Variants in EPB41L5 observed in about 807,000 individuals in gnomAD.
EPB41L5 encodes the protein erythrocyte membrane protein band 4.1 like 5.
Under a neutral mutation model 106.6 loss-of-function variants are expected in EPB41L5, and 55 were observed. The ratio of observed to expected loss-of-function variants is 0.52; its 90% CI spans 0.42 to 0.65. The LOEUF (loss-of-function observed/expected upper bound fraction) is 0.65. Among genes scored for constraint, EPB41L5 ranks in the 30% least tolerant of loss-of-function variants. The pLI, the probability that EPB41L5 is intolerant of heterozygous loss-of-function variation, is 0.00. For synonymous variants in EPB41L5, 297 were observed against 306.7 expected, an observed-to-expected ratio of 0.97 and a Z score of 0.33; for missense variants, 871 against 882.1, an observed-to-expected ratio of 0.99 and a Z score of 0.16.
chr2:120,173,831 A>G (rs1300696129), intron 24 of EPB41L5, among the ~76,000 whole-genome samples: 1 of 151,900 alleles, frequency 6.6e-6, no homozygotes, highest in African/African-American at 2.4e-5. Flanking sequence ...ACAGGCATAT[A>G]CCACCCTCAC....
At chr2:120,049,698 C>T (rs1574531763) in intron 3 of EPB41L5, among the ~76,000 whole-genome samples, 2 of 152,242 alleles carry the variant, frequency 1.3e-5, no homozygotes, top group Middle Eastern at 6.8e-3. Flanking sequence ...GAATTTGATC[C>T]TGTCATTGTG....
intron 2 of EPB41L5, among the ~76,000 whole-genome samples, chr2:120,020,852 A>G (rs1205754764): frequency 6.6e-6 from 1 of 151,700 alleles, no homozygotes; most frequent in Admixed American, 6.6e-5. Context: ...AACGCAGTGC[A>G]GTATGGAGGA....
At chr2:120,123,636 G>A (rs1685328199) in intron 16 of EPB41L5, among the ~76,000 whole-genome samples, 1 of 141,150 alleles carries the variant, frequency 7.1e-6, no homozygotes, top group South Asian at 2.4e-4. Context: ...GGGATGGGGA[G>A]TGTTCGTCCC....
At chr2:120,039,147 G>A (rs1679231449) in intron 2 of EPB41L5, among the ~76,000 whole-genome samples, 1 of 152,090 alleles carries the variant, frequency 6.6e-6, no homozygotes, top group Non-Finnish European at 1.5e-5. Context: ...AAGTAGGAGA[G>A]AGGGTGAGTG....
chr2:120,160,991 T>C lies in EPB41L5; in HGVS notation c.1887+17T>C. ...GTTCTAAAGGTAAGAATACTTTTAC[T>C]TCTTAAAATTTTTGCCAAAGACAGT... On this transcript the variant is annotated intron_variant, in intron 21 of 24. Coordinates refer to ENST00000263713, the MANE Select transcript of EPB41L5 (RefSeq NM_020909.4). 4 of 1,600,080 alleles carry C rather than the reference T, an allele frequency of 2.5e-6. No homozygotes were observed. The highest frequency in any genetic ancestry group is 2.2e-5 in the South Asian group (2 of 90,744).
At chr2:120,084,529 C>A (rs537986564) in intron 10 of EPB41L5, among the ~76,000 whole-genome samples, 214 of 152,210 alleles carry the variant, frequency 1.4e-3, no homozygotes, top group African/African-American at 5.0e-3. Context: ...TGTGGGTAAC[C>A]CGACCTTTCT....
chr2:120,073,691 T>A (rs1374644999), intron 4 of EPB41L5, among the ~76,000 whole-genome samples: 2 of 152,212 alleles, frequency 1.3e-5, no homozygotes, highest in Non-Finnish European at 2.9e-5. Context: ...GCACCTCAAC[T>A]CTTGTCTCAA....
At chr2:120,094,841 C>G (rs1204559263) in intron 14 of EPB41L5, among the ~76,000 whole-genome samples, 1 of 152,028 alleles carries the variant, frequency 6.6e-6, no homozygotes, top group Non-Finnish European at 1.5e-5. Context: ...TGCTAAATTT[C>G]CTTGTATTTG....
chr2:120,022,856 C>T (rs1678031673), intron 2 of EPB41L5, among the ~76,000 whole-genome samples: 1 of 152,042 alleles, frequency 6.6e-6, no homozygotes, highest in Non-Finnish European at 1.5e-5. Flanking sequence ...TGTTTCCTGA[C>T]TTTATTGATG....
chr2:120,079,593 C>T lies in EPB41L5; in HGVS notation c.803+1012C>T, dbSNP rs191798320. ...CAGGCAACCCTTTCCAAACACTGCTCGATAAAGCCTGTTCTGTGGTACATT... is the reference window on the plus strand; with the variant it reads ...CAGGCAACCCTTTCCAAACACTGCTTGATAAAGCCTGTTCTGTGGTACATT... On this transcript the variant is annotated intron_variant, in intron 10 of 24. Transcript: ENST00000263713. 5.3e-5 allele frequency among the ~76,000 whole-genome samples: 8 copies of T among 152,220 alleles called. No homozygotes were observed. The East Asian group carries it at 1.5e-3, about 29-fold the overall frequency.
chr2:120,108,887 T>G (rs1421647853), intron 16 of EPB41L5, among the ~76,000 whole-genome samples: 1 of 152,198 alleles, frequency 6.6e-6, no homozygotes, highest in Non-Finnish European at 1.5e-5. Context: ...GTTATCACTT[T>G]GAAATTTCAC....
intron 20 of EPB41L5, among the ~76,000 whole-genome samples, chr2:120,155,266 G>A (rs1480799843): frequency 6.6e-6 from 1 of 152,082 alleles, no homozygotes; most frequent in Non-Finnish European, 1.5e-5. Flanking sequence ...GGTTAGTTTT[G>A]TTGAATATAG....
intron 3 of EPB41L5, among the ~76,000 whole-genome samples, chr2:120,068,474 C>T (rs2105304299): frequency 6.6e-6 from 1 of 152,288 alleles, no homozygotes; most frequent in East Asian, 1.9e-4. Context: ...TTCTTGCTGC[C>T]AGCACAGCAG....
At chr2:120,016,504 A>AT in intron 1 of EPB41L5, among the ~76,000 whole-genome samples, 1 of 152,082 alleles carries the variant, frequency 6.6e-6, no homozygotes, top group South Asian at 2.1e-4. Context: ...TAGGAGGATT[A>AT]TTTTTTCTCA....
intron 20 of EPB41L5, among the ~76,000 whole-genome samples, chr2:120,159,812 C>G (rs1171615700): frequency 1.3e-5 from 2 of 152,184 alleles, no homozygotes; most frequent in Non-Finnish European, 2.9e-5. Context: ...AAAGGCTTCC[C>G]TATTCAATAA....
chr2:120,023,421 A>G (rs531860826), intron 2 of EPB41L5, among the ~76,000 whole-genome samples: 2 of 152,102 alleles, frequency 1.3e-5, no homozygotes, highest in South Asian at 4.1e-4. Context: ...TTTTCCCAAT[A>G]CCATTTATTA....
chr2:120,080,034 T>C (rs1236223068), intron 10 of EPB41L5, among the ~76,000 whole-genome samples: 2 of 152,178 alleles, frequency 1.3e-5, no homozygotes, highest in East Asian at 3.8e-4. Context: ...TCTTTTATTC[T>C]TTCTTGATAA....
At chr2:120,106,584 A>G (rs1684465389) in intron 16 of EPB41L5, 1 of 985,350 alleles carries the variant, frequency 1.0e-6, no homozygotes, top group South Asian at 4.7e-5. Context: ...AAAGGGTGTC[A>G]TCAGTACAGA....
intron 2 of EPB41L5, among the ~76,000 whole-genome samples, chr2:120,039,722 G>A (rs1214335898): frequency 6.6e-6 from 1 of 151,964 alleles, no homozygotes; most frequent in East Asian, 1.9e-4. Flanking sequence ...CTACTCGGGA[G>A]GCTGAGGCAG....
Sources: gnomAD v4.1 joint callset for allele counts (sites outside exome capture counted in the v4.1 genomes callset) on GRCh38, gnomAD v4.1.1 for gene constraint, MANE v1.5 for transcripts, NCBI Gene and HGNC (gene_info 2026-07-23, HGNC 2026-07-21) for gene names.